SLC25A12: variants seen among roughly 807,000 people sequenced by gnomAD.
SLC25A12 encodes electrogenic aspartate/glutamate antiporter SLC25A12, mitochondrial.
SLC25A12 carries 32 observed loss-of-function variants against 83.3 expected under a neutral mutation model. That is an observed-to-expected ratio of 0.38 (90% CI 0.29 to 0.52). The LOEUF is 0.52. Ranked by LOEUF, SLC25A12 falls within the 20% of genes least tolerant of loss-of-function variation. SLC25A12 has a pLI of 0.84. For missense variants in SLC25A12, 611 were observed against 835.6 expected (o/e 0.73, Z 3.31); for synonymous variants, 267 against 291.1 (o/e 0.92, Z 0.84).
chr2:171,786,106 T>G (rs998508679), intron 17 of SLC25A12, among the ~76,000 whole-genome samples: 3 of 151,994 alleles, frequency 2.0e-5, no homozygotes, highest in African/African-American at 7.2e-5. Context: ...CCGGGCATGG[T>G]GGCTCACGCC....
At chr2:171,851,995 C>T (rs1203520701) in intron 4 of SLC25A12, among the ~76,000 whole-genome samples, 1 of 152,218 alleles carries the variant, frequency 6.6e-6, no homozygotes, top group Non-Finnish European at 1.5e-5. Flanking sequence ...AGCTAGCACA[C>T]ACCAGTCATG....
At chr2:171,793,525 C>G in intron 14 of SLC25A12, 102 bp downstream of exon 14, 1 of 1,216,780 alleles carries the variant, frequency 8.2e-7, no homozygotes, top group Non-Finnish European at 1.2e-6. Context: ...GCTCCACAGA[C>G]TACCCTGCTG....
intron 2 of SLC25A12, among the ~76,000 whole-genome samples, chr2:171,892,541 G>A (rs1260665772): frequency 6.6e-6 from 1 of 151,970 alleles, no homozygotes; most frequent in East Asian, 1.9e-4. Flanking sequence ...TACTTCTTAA[G>A]TACAATTTCC....
intron 5 of SLC25A12, among the ~76,000 whole-genome samples, chr2:171,841,694 T>C (rs1684676189): frequency 6.6e-6 from 1 of 152,190 alleles, no homozygotes; most frequent in Non-Finnish European, 1.5e-5. Flanking sequence ...TTTTTACATA[T>C]GAAAAGTCTC....
intron 2 of SLC25A12, among the ~76,000 whole-genome samples, chr2:171,883,766 G>C (rs902109713): frequency 1.3e-5 from 2 of 152,036 alleles, no homozygotes; most frequent in African/African-American, 4.8e-5. Context: ...CCACTCTCTT[G>C]AAAAATGATT....
In SLC25A12 at chr2:171,865,468, C is replaced by G. The variant is rs183914684; in HGVS notation, c.209+3213G>C. 1.5e-3 allele frequency among the ~76,000 whole-genome samples: 232 copies of G among 152,154 alleles called. 8 individuals carry two copies. The East Asian group carries it at 0.032, about 21-fold the overall frequency. ...TTGAGGTCAGGAGTTCGAGATCAGC[C>G]TGGCCAACATGGTGAAACCCTGTCT... is the stretch of plus-strand genomic sequence containing the variant. On this transcript the variant is annotated intron_variant, in intron 3 of 17. Transcript: ENST00000422440.
intron 13 of SLC25A12, among the ~76,000 whole-genome samples, chr2:171,800,794 C>T (rs1466069407): frequency 6.6e-6 from 1 of 152,138 alleles, no homozygotes; most frequent in African/African-American, 2.4e-5. Flanking sequence ...CAAACACAAA[C>T]CTGATACCCA....
intron 13 of SLC25A12, among the ~76,000 whole-genome samples, chr2:171,795,131 C>G (rs1304447015): frequency 2.6e-5 from 4 of 152,184 alleles, no homozygotes; most frequent in African/African-American, 9.7e-5. Context: ...TCTTCATGGA[C>G]AGCTTATTGT....
chr2:171,785,549 G>T, intron 17 of SLC25A12, 74 bp from the exon 18 acceptor site: 3 of 1,348,458 alleles, frequency 2.2e-6, no homozygotes, highest in Non-Finnish European at 3.2e-6. Context: ...GACATTTTCG[G>T]TCTGACCCAT....
intron 15 of SLC25A12, chr2:171,788,524 C>CAAA (rs1407731309): frequency 1.3e-5 from 2 of 156,658 alleles, no homozygotes. Flanking sequence ...AAGAGGTGGC[C>CAAA]AGGCAGCCAG....
intron 11 of SLC25A12, among the ~76,000 whole-genome samples, chr2:171,812,775 T>C (rs1363801419): frequency 6.7e-6 from 1 of 148,768 alleles, no homozygotes; most frequent in Non-Finnish European, 1.5e-5. Context: ...AAGCAAGAAT[T>C]AGACTTGGAA....
chr2:171,894,117 T>C (rs1304554334), intron 1 of SLC25A12, 86 bp downstream of exon 1: 2 of 1,517,362 alleles, frequency 1.3e-6, no homozygotes, highest in Non-Finnish European at 1.8e-6. Context: ...AGACAATGAA[T>C]AAAATGGGAA....
intron 13 of SLC25A12, among the ~76,000 whole-genome samples, chr2:171,802,155 T>G (rs970874554): frequency 1.3e-4 from 19 of 151,906 alleles, no homozygotes; most frequent in African/African-American, 3.6e-4. Context: ...TAAAAAAGGG[T>G]CAAGCAATTT....
At chr2:171,862,818 G>T (rs897559121) in intron 3 of SLC25A12, among the ~76,000 whole-genome samples, 2 of 152,158 alleles carry the variant, frequency 1.3e-5, no homozygotes, top group Admixed American at 6.5e-5. Flanking sequence ...AGGAAACAAC[G>T]TACCAAGTAA....
At chr2:171,788,635 T>A (rs1690534639) in intron 15 of SLC25A12, 1 of 152,694 alleles carries the variant, frequency 6.5e-6, no homozygotes, top group African/African-American at 2.4e-5. Flanking sequence ...AAGATGGATT[T>A]CACAACCACA....
chr2:171,883,688 C>T (rs976750755), intron 2 of SLC25A12, among the ~76,000 whole-genome samples: 2 of 152,166 alleles, frequency 1.3e-5, no homozygotes, highest in African/African-American at 4.8e-5. Context: ...GAATTCCCTC[C>T]ACCACTTCAC....
At chr2:171,845,039 C>T (rs576899063) in intron 4 of SLC25A12, among the ~76,000 whole-genome samples, 35 of 152,186 alleles carry the variant, frequency 2.3e-4, no homozygotes, top group African/African-American at 8.2e-4. Context: ...GCAGCAAGCA[C>T]CTTATTAAAA....
intron 3 of SLC25A12, among the ~76,000 whole-genome samples, chr2:171,860,165 A>G (rs1286210728): frequency 1.3e-5 from 2 of 152,212 alleles, no homozygotes; most frequent in African/African-American, 2.4e-5. Flanking sequence ...TATATTATGT[A>G]TATTTTAACA....
At chr2:171,793,818 G>C (rs368851850) in intron 13 of SLC25A12, 51 bp from the exon 14 acceptor site, 768 of 1,610,530 alleles carry the variant, frequency 4.8e-4, no homozygotes, top group Middle Eastern at 8.2e-4. Flanking sequence ...AGCCCGACTG[G>C]CAGCGTAAAA....
Sources: gnomAD v4.1 joint callset for allele counts (sites outside exome capture counted in the v4.1 genomes callset) on GRCh38, gnomAD v4.1.1 for gene constraint, MANE v1.5 for transcripts, NCBI Gene and HGNC (gene_info 2026-07-23, HGNC 2026-07-21) for gene names.